Variants in SEMA7A observed in about 807,000 individuals in gnomAD.
SEMA7A encodes semaphorin 7A (JohnMiltonHagen blood group).
Under a neutral mutation model 67.5 loss-of-function variants are expected in SEMA7A, and 21 were observed. The ratio of observed to expected loss-of-function variants is 0.31; its 90% CI spans 0.22 to 0.45. The LOEUF (loss-of-function observed/expected upper bound fraction) is 0.45. Among genes scored for constraint, SEMA7A ranks in the 20% least tolerant of loss-of-function variants. The pLI, the probability that SEMA7A is intolerant of heterozygous loss-of-function variation, is 1.00. For synonymous variants in SEMA7A, 364 were observed against 368.5 expected (o/e 0.99, Z 0.14); for missense variants, 774 against 908.6 (o/e 0.85, Z 1.90).
intron 7 of SEMA7A, 55 bp downstream of exon 7, chr15:74,416,520 C>T: frequency 1.9e-6 from 3 of 1,587,270 alleles, no homozygotes; most frequent in Non-Finnish European, 2.6e-6. Context: ...CTCACCCTCA[C>T]TCAGGCCTAT....
At chr15:74,412,042 C>G (rs202010707) in intron 10 of SEMA7A, 30 bp from the exon 11 acceptor site, 5 of 1,604,560 alleles carry the variant, frequency 3.1e-6, no homozygotes, top group Non-Finnish European at 4.3e-6. Flanking sequence ...GGTCAGTGGG[C>G]GGGAGTCCCA....
chr15:74,416,497 C>G, intron 7 of SEMA7A, 78 bp downstream of exon 7: 1 of 1,479,736 alleles, frequency 6.8e-7, no homozygotes, highest in East Asian at 2.3e-5. Flanking sequence ...TACATGCACA[C>G]GGACACACAG....
rs539857116 is a variant in SEMA7A at position 74,424,775 on chromosome 15, G to A, written c.179-5823C>T. Among the ~76,000 whole-genome samples the A allele has an allele frequency of 3.9e-5, 6 of 152,318 alleles. No homozygotes were observed. The East Asian group carries it at 5.8e-4, about 15-fold the overall frequency. ...AGTGGGTAAGATGCCCTGAGCCCAC[G>A]CCCAGGGAAGGCCGGAAGCCCAGGA... On this transcript the variant is annotated intron_variant, in intron 1 of 13. Transcript: ENST00000261918.
chr15:74,433,744 T>A lies in SEMA7A; in HGVS notation c.175A>T (p.Lys59Ter). The A allele has an allele frequency of 6.9e-7, 1 of 1,441,566 alleles. No homozygotes were observed. Among genetic ancestry groups the A allele is most frequent in the Non-Finnish European group, 9.1e-7 (1 of 1,102,924 alleles). The allele number at this position is 1,441,566 out of a possible 1,614,324, so 89.3% of individuals were successfully genotyped here. A position where few individuals can be genotyped will look rare whatever the true frequency, so the allele number is the denominator to read the frequency against. ...CCGGCCGCGCGGCGCCGCCTACCTT[T>A]CCAGACGGCGAAGATGCGGGGTCCG... Reference protein sequence around the residue: ...RSGPRIFAVWKGHVGQDRVDF... With the variant: ...RSGPRIFAVW Residue 59 changes from lysine to a stop codon, truncating the protein, a stop_gained, in exon 1 of 14, where the codon AAA (lysine) becomes TAA (stop). Coordinates refer to ENST00000261918, the MANE Select transcript of SEMA7A (RefSeq NM_003612.5). LOFTEE classifies it high-confidence loss of function.
Position 74,414,559 on chromosome 15 carries a change from A to G in SEMA7A, c.1282T>C (p.Tyr428His). 6.2e-7 allele frequency: 1 copy of G among 1,614,236 alleles called. No individual in the cohort carries two copies. Among genetic ancestry groups the G allele is most frequent in the Admixed American group, 1.7e-5 (1 of 60,034 alleles). Residue 428 changes from tyrosine to histidine, a missense_variant, in exon 10 of 14, where the codon TAC becomes CAC. Around this residue, in one of 2 missense-constraint regions of SEMA7A, gnomAD observed 427 missense variants for 555.4 expected, o/e 0.77. Coordinates refer to ENST00000261918, the MANE Select transcript of SEMA7A (RefSeq NM_003612.5). This position sits in a 1 kb window ranked among gnomAD's most constrained non-coding sequence, Gnocchi z 4.1. The part of the protein sequence containing the change: ...ASHGETFHVL[Y>H]LTTDRGTIHK... The stretch of plus-strand genomic sequence containing the variant: ...GGTAGCCTCTCACCTGTAGTTAGGT[A>G]AAGCACATGAAAGGTCTCCCCGTGG...
chr15:74,415,794 C>G lies in SEMA7A; in HGVS notation c.986+7G>C, dbSNP rs1216851567. Reference sequence around the variant, plus strand: ...CCAGCCCCGGCCCCAGGACAAGGGCCACTCACCAGGGGTTGGAGAAAACAC... The same window carrying G: ...CCAGCCCCGGCCCCAGGACAAGGGCGACTCACCAGGGGTTGGAGAAAACAC... On this transcript the variant is annotated splice_region_variant and intron_variant, in intron 8 of 13. Transcript: ENST00000261918. The G allele has an allele frequency of 1.2e-6, 2 of 1,609,616 alleles. No individual in the cohort carries two copies. The highest frequency in any genetic ancestry group is 1.7e-6 in the Non-Finnish European group (2 of 1,177,868).
At position 74,411,290 on chromosome 15, in the gene SEMA7A, G is replaced by A. The variant is rs2060897878; in HGVS notation, c.1639+5C>T. 3 of 1,613,740 alleles carry A rather than the reference G, an allele frequency of 1.9e-6. No individual in the cohort carries two copies. Among genetic ancestry groups the A allele is most frequent in the Non-Finnish European group, 1.7e-6 (2 of 1,179,830 alleles). On this transcript the variant is annotated splice_donor_5th_base_variant and intron_variant, in intron 13 of 13. Transcript: ENST00000261918. The surrounding 1 kb of genome is among the most constrained non-coding windows in gnomAD (Gnocchi z 4.4). ...CACAGCCGCCAGCAGGGCCAGATCAGGTACCTGGTTTGGGGTTGGGACACT... is the reference window on the plus strand; with the variant it reads ...CACAGCCGCCAGCAGGGCCAGATCAAGTACCTGGTTTGGGGTTGGGACACT...
chr15:74,411,531 G>T lies in SEMA7A; in HGVS notation c.1577+25C>A. 1 of 1,544,166 alleles carries T rather than the reference G, an allele frequency of 6.5e-7. No homozygotes were observed. Among genetic ancestry groups the T allele is most frequent in the South Asian group, 1.3e-5 (1 of 79,624 alleles). ...CTCTCCCATGCCCACCTTCTCCCAG[G>T]GACGAGGGATCCCGGCCAACGTACC... is the stretch of plus-strand genomic sequence containing the variant. On this transcript the variant is annotated intron_variant, in intron 12 of 13. Coordinates refer to ENST00000261918, the MANE Select transcript of SEMA7A (RefSeq NM_003612.5). The surrounding 1 kb of genome is among the most constrained non-coding windows in gnomAD (Gnocchi z 4.4).
At chr15:74,425,856 T>C (rs1265323490) in intron 1 of SEMA7A, among the ~76,000 whole-genome samples, 1 of 152,198 alleles carries the variant, frequency 6.6e-6, no homozygotes, top group African/African-American at 2.4e-5. Flanking sequence ...GCCCACTTGA[T>C]TGGTCCTGCT....
At chr15:74,425,940 T>C (rs2061040564) in intron 1 of SEMA7A, among the ~76,000 whole-genome samples, 1 of 152,206 alleles carries the variant, frequency 6.6e-6, no homozygotes, top group South Asian at 2.1e-4. Context: ...CATGACCTCC[T>C]GGAACTCATG....
At position 74,423,732 on chromosome 15, in the gene SEMA7A, G is replaced by A. The variant is rs1019328569; in HGVS notation, c.179-4780C>T. Among the ~76,000 whole-genome samples, 1 of 152,216 alleles carries A rather than the reference G, an allele frequency of 6.6e-6. No homozygotes were observed. The highest frequency in any genetic ancestry group is 2.4e-5 in the African/African-American group (1 of 41,452). ...TCCAAAGGAGTGACTAATGGTGGAA[G>A]TGTAGGTGCCGTGCATGTCAGAGTG... On this transcript the variant is annotated intron_variant, in intron 1 of 13. Coordinates refer to ENST00000261918, the MANE Select transcript of SEMA7A (RefSeq NM_003612.5). This position sits in a 1 kb window ranked among gnomAD's most constrained non-coding sequence, Gnocchi z 4.1.
intron 3 of SEMA7A, 109 bp downstream of exon 3, chr15:74,418,159 T>A (rs2060968758): frequency 8.2e-7 from 1 of 1,226,862 alleles, no homozygotes. Flanking sequence ...CGTCTCCCCA[T>A]CAGTCTGGGA....
chr15:74,422,470 C>T (rs994179970), intron 1 of SEMA7A, among the ~76,000 whole-genome samples: 13 of 152,146 alleles, frequency 8.5e-5, no homozygotes, highest in African/African-American at 3.1e-4. Flanking sequence ...CACCTCCCGC[C>T]CCATGTGATT....
At chr15:74,424,080 G>A (rs2061022770) in intron 1 of SEMA7A, among the ~76,000 whole-genome samples, 1 of 152,158 alleles carries the variant, frequency 6.6e-6, no homozygotes, top group Admixed American at 6.5e-5. Flanking sequence ...GGCCAAAGGG[G>A]AGCATCCTCC....
At chr15:74,428,994 C>T (rs1427229394) in intron 1 of SEMA7A, among the ~76,000 whole-genome samples, 1 of 152,208 alleles carries the variant, frequency 6.6e-6, no homozygotes, top group African/African-American at 2.4e-5. Flanking sequence ...GAGGACAGGA[C>T]AGCTGGCCAT....
rs2060905798 is a variant in SEMA7A at position 74,412,004 on chromosome 15, T to C, written c.1303A>G (p.Thr435Ala). 1 of 1,612,992 alleles carries C rather than the reference T, an allele frequency of 6.2e-7. No homozygotes were observed. Residue 435 changes from threonine (T) to alanine (A), a missense_variant, in exon 11 of 14, where the codon ACT becomes GCT. Around this residue, in one of 2 missense-constraint regions of SEMA7A, gnomAD observed 427 missense variants for 555.4 expected, o/e 0.77. Coordinates refer to ENST00000261918, the MANE Select transcript of SEMA7A (RefSeq NM_003612.5). ...CCCGGTTCCACCACCTTGTGGATAGTGCCCCTGTCTGTGTATGGTGGACAG... is the reference window on the plus strand; with the variant it reads ...CCCGGTTCCACCACCTTGTGGATAGCGCCCCTGTCTGTGTATGGTGGACAG... ...HVLYLTTDRGTIHKVVEPGEQ... is the reference protein window; with the variant it reads ...HVLYLTTDRGAIHKVVEPGEQ...
At position 74,411,015 on chromosome 15, in the gene SEMA7A, G is replaced by T. The variant is rs777180124; in HGVS notation, c.1640-30C>A. ...GGAGGCAGTGGGGAAGCAGCCGTGA[G>T]GAGGGACAAAGAGCTCCCAGGGGAG... On this transcript the variant is annotated intron_variant, in intron 13 of 13. Transcript: ENST00000261918. This position sits in a 1 kb window ranked among gnomAD's most constrained non-coding sequence, Gnocchi z 4.4. 1.3e-6 allele frequency: 2 copies of T among 1,596,194 alleles called. No individual in the cohort carries two copies. The highest frequency in any genetic ancestry group is 2.7e-5 in the African/African-American group (2 of 74,828).
chr15:74,433,193 G>A (rs1245048673), intron 1 of SEMA7A, among the ~76,000 whole-genome samples: 1 of 151,152 alleles, frequency 6.6e-6, no homozygotes, highest in African/African-American at 2.4e-5. Flanking sequence ...CCACCCCCTT[G>A]CCTGGCCCGA....
intron 1 of SEMA7A, among the ~76,000 whole-genome samples, chr15:74,425,179 A>C (rs2061033514): frequency 6.6e-6 from 1 of 152,216 alleles, no homozygotes; most frequent in African/African-American, 2.4e-5. Flanking sequence ...GAGGAGGAGG[A>C]AGATGATGAC....
Sources: allele counts gnomAD v4.1 joint callset (sites outside exome capture counted in the v4.1 genomes callset), GRCh38; gene constraint gnomAD v4.1.1; regional missense constraint gnomAD v4.1.1; non-coding constraint Gnocchi (gnomAD v3.1); transcripts MANE v1.5; gene names NCBI Gene and HGNC (gene_info 2026-07-23, HGNC 2026-07-21).